Variants in ZMYND11 observed in about 807,000 individuals in gnomAD.
The protein encoded by ZMYND11 is zinc finger MYND-type containing 11.
Under a neutral mutation model 84.9 loss-of-function variants are expected in ZMYND11, and 9 were observed. That is an observed-to-expected ratio of 0.11 (90% confidence interval 0.06 to 0.18). ZMYND11 has a LOEUF of 0.18. Among genes scored for constraint, ZMYND11 ranks in the 10% least tolerant of loss-of-function variants. The probability of loss-of-function intolerance (pLI) is 1.00; values close to 1 mark genes in which losing one functional copy is unlikely to be tolerated. For missense variants in ZMYND11, 409 were observed against 761.0 expected (o/e 0.54, Z 5.44); for synonymous variants, 250 against 244.1 (o/e 1.02, Z -0.23).
chr10:185,908 T>C (rs1938256246), intron 2 of ZMYND11, among the ~76,000 whole-genome samples: 1 of 151,868 alleles, frequency 6.6e-6, no homozygotes, highest in Non-Finnish European at 1.5e-5. Context: ...AAGCAAATAA[T>C]TCCTTCTGAC....
chr10:146,748 G>A (rs1024115369), intron 1 of ZMYND11, among the ~76,000 whole-genome samples: 2 of 152,224 alleles, frequency 1.3e-5, no homozygotes, highest in Non-Finnish European at 1.5e-5. Context: ...CCCACATGTT[G>A]TGGGAGGGAC....
chr10:249,620 G>A (rs1462973718), intron 14 of ZMYND11: 3 of 985,354 alleles, frequency 3.0e-6, no homozygotes, highest in Non-Finnish European at 3.6e-6. Flanking sequence ...ATCGTGTCCT[G>A]CTCGCCAGTC....
intron 2 of ZMYND11, among the ~76,000 whole-genome samples, chr10:181,940 T>C (rs1262894563): frequency 6.6e-6 from 1 of 152,220 alleles, no homozygotes; most frequent in East Asian, 1.9e-4. Context: ...TATTTTCTTA[T>C]GGTTGAGATT....
chr10:232,855 T>C (rs967748229), intron 4 of ZMYND11, among the ~76,000 whole-genome samples: 15 of 152,212 alleles, frequency 9.9e-5, no homozygotes, highest in Admixed American at 6.5e-5. Context: ...AGCATATAAA[T>C]GAGAGAAGTA....
chr10:156,308 T>G (rs1432176141), intron 1 of ZMYND11, among the ~76,000 whole-genome samples: 25 of 152,332 alleles, frequency 1.6e-4, no homozygotes, highest in Admixed American at 1.3e-3. Context: ...CCTGGGGAGT[T>G]AGAAAACATG....
intron 10 of ZMYND11, among the ~76,000 whole-genome samples, chr10:242,475 A>G (rs1951197535): frequency 6.6e-6 from 1 of 152,064 alleles, no homozygotes; most frequent in Non-Finnish European, 1.5e-5. Context: ...CAGTTACTCT[A>G]GTTGCTCCAG....
intron 1 of ZMYND11, among the ~76,000 whole-genome samples, chr10:160,142 G>T (rs563170944): frequency 1.3e-5 from 2 of 152,110 alleles, no homozygotes; most frequent in Non-Finnish European, 2.9e-5. Context: ...GGCGTACCCT[G>T]GATATATTGT....
intron 1 of ZMYND11, among the ~76,000 whole-genome samples, chr10:175,439 A>G (rs1289370728): frequency 6.6e-6 from 1 of 152,156 alleles, no homozygotes; most frequent in African/African-American, 2.4e-5. Flanking sequence ...GTGGTGGCGC[A>G]CGCCTGTAAT....
rs1953604173 is a variant in ZMYND11 at position 252,036 on chromosome 10, G to T, written c.1687-312G>T. On this transcript the variant is annotated intron_variant, in intron 14 of 14. Transcript: ENST00000381604. This position sits in a 1 kb window ranked among gnomAD's most constrained non-coding sequence, Gnocchi z 4.6. ...TTGTGGGGAGCAGAGAAATGCAAGT[G>T]GTAGCTGGAAAGGGATGTGAAGTCA... Among the ~76,000 whole-genome samples, 1 of 152,096 alleles carries T rather than the reference G, an allele frequency of 6.6e-6. No individual in the cohort carries two copies. The highest frequency in any genetic ancestry group is 2.4e-5 in the African/African-American group (1 of 41,392).
At chr10:171,743 A>G (rs782803745) in intron 1 of ZMYND11, among the ~76,000 whole-genome samples, 2 of 152,212 alleles carry the variant, frequency 1.3e-5, no homozygotes, top group Non-Finnish European at 2.9e-5. Flanking sequence ...CTTGTTAAAG[A>G]ATATCTTTAC....
At chr10:246,264 A>C (rs1487108781) in intron 10 of ZMYND11, among the ~76,000 whole-genome samples, 1 of 152,234 alleles carries the variant, frequency 6.6e-6, no homozygotes, top group African/African-American at 2.4e-5. Flanking sequence ...TAATATTTTT[A>C]GATCTTCCCA....
intron 4 of ZMYND11, among the ~76,000 whole-genome samples, chr10:234,643 G>C (rs1174548278): frequency 6.6e-6 from 1 of 152,198 alleles, no homozygotes; most frequent in Non-Finnish European, 1.5e-5. Context: ...AGTGCACCCA[G>C]AGTTTGAGTT....
At chr10:249,695 CCA>C in intron 14 of ZMYND11, 4 of 985,384 alleles carry the variant, frequency 4.1e-6, no homozygotes, top group Non-Finnish European at 4.8e-6. Flanking sequence ...CCTACAGCCG[CCA>C]CAGTGCTCAG....
intron 9 of ZMYND11, 144 bp downstream of exon 9, chr10:241,114 AAG>A: frequency 1.8e-6 from 1 of 562,144 alleles, no homozygotes; most frequent in Admixed American, 3.5e-5. Flanking sequence ...AACTGAAAAA[AAG>A]TAACAGGGCT....
At chr10:196,603 G>A (rs931221809) in intron 2 of ZMYND11, among the ~76,000 whole-genome samples, 1 of 152,134 alleles carries the variant, frequency 6.6e-6, no homozygotes, top group Non-Finnish European at 1.5e-5. Context: ...TTGTCTTAGA[G>A]TTGTGTTAAT....
rs193236239 is a variant in ZMYND11, at chr10:164,850, G to A, written c.-19-15144G>A. Among the ~76,000 whole-genome samples, 3 of 152,246 alleles carry A rather than the reference G, an allele frequency of 2.0e-5. No homozygotes were observed. The East Asian group carries it at 5.8e-4, about 29-fold the overall frequency. On this transcript the variant is annotated intron_variant, in intron 1 of 14. Transcript: ENST00000381604. The stretch of plus-strand genomic sequence containing the variant: ...CATAAGGGTAGGGTTTGTAAATACA[G>A]AGGTAAGACCCAAAAAAGAAAACTA...
At chr10:156,172 C>T (rs1554758871) in intron 1 of ZMYND11, among the ~76,000 whole-genome samples, 4 of 152,242 alleles carry the variant, frequency 2.6e-5, no homozygotes, top group Non-Finnish European at 5.9e-5. Context: ...TCTGATGATG[C>T]ACAGGATGGC....
intron 4 of ZMYND11, among the ~76,000 whole-genome samples, chr10:230,405 G>T (rs776813384): frequency 2.1e-5 from 3 of 143,968 alleles, no homozygotes; most frequent in Non-Finnish European, 4.5e-5. Flanking sequence ...CCCTGGATGC[G>T]GAGGTTGTAG....
At chr10:163,527 T>C (rs1402862469) in intron 1 of ZMYND11, among the ~76,000 whole-genome samples, 1 of 152,244 alleles carries the variant, frequency 6.6e-6, no homozygotes, top group East Asian at 1.9e-4. Flanking sequence ...TTACTCCTCA[T>C]ATTTTAAATG....
Sources: gnomAD v4.1 joint callset for allele counts (sites outside exome capture counted in the v4.1 genomes callset) on GRCh38, gnomAD v4.1.1 for gene constraint, Gnocchi (gnomAD v3.1) non-coding constraint, MANE v1.5 for transcripts, NCBI Gene and HGNC (gene_info 2026-07-23, HGNC 2026-07-21) for gene names.